The following MAP3K4 variants were observed in gnomAD, a reference collection of about 807,000 sequenced individuals.
MAP3K4 encodes the protein mitogen-activated protein kinase kinase kinase 4, also known as MAP three kinase 1.
Under a neutral mutation model 185.6 loss-of-function variants are expected in MAP3K4, and 67 were observed. The observed-to-expected ratio is 0.36, with a 90% CI of 0.30 to 0.44. The LOEUF (loss-of-function observed/expected upper bound fraction) is 0.44. MAP3K4 is among the 20% of genes least tolerant of loss of function. MAP3K4 has a pLI of 1.00. For missense variants in MAP3K4, 1,551 were observed against 1,995.1 expected (o/e 0.78, Z 4.24); for synonymous variants, 702 against 710.4 (o/e 0.99, Z 0.19).
rs749381896 is a variant in MAP3K4, at chr6:161,054,118, G to T, written c.1707+4139G>T. On this transcript the variant is annotated intron_variant, in intron 3 of 26. Transcript: ENST00000392142. The surrounding 1 kb of genome is among the most constrained non-coding windows in gnomAD (Gnocchi z 4.2). Reference sequence around the variant, plus strand: ...TAACCAGTGTTTGCAAAGCACATGTGATCTTACATTTAATTTCCCTTTGTA... The same window carrying T: ...TAACCAGTGTTTGCAAAGCACATGTTATCTTACATTTAATTTCCCTTTGTA... Among the ~76,000 whole-genome samples the T allele has an allele frequency of 2.0e-5, 3 of 152,142 alleles. No homozygotes were observed. Among genetic ancestry groups the T allele is most frequent in the Non-Finnish European group, 4.4e-5 (3 of 68,024 alleles).
Position 161,049,190 on chromosome 6 carries a change from G to A in MAP3K4, c.918G>A (p.Gly306=). The A allele has an allele frequency of 6.2e-7, 1 of 1,613,980 alleles. No homozygotes were observed. The change falls in exon 3 of 27, where the codon GGG becomes GGA. Residue 306 remains glycine, a synonymous_variant. Transcript: ENST00000392142. This position sits in a 1 kb window ranked among gnomAD's most constrained non-coding sequence, Gnocchi z 8.4. ...NEILTFKVDY[G]SFAFVRDRAG... ...TCCTTACTTTCAAAGTCGACTATGG[G>A]AGCTTCGCCTTTGTTAGAGATAGAG... is the stretch of plus-strand genomic sequence containing the variant.
Position 161,082,628 on chromosome 6 carries a change from C to G in MAP3K4, c.2255+1590C>G, listed in dbSNP as rs894469148. Among the ~76,000 whole-genome samples the G allele has an allele frequency of 2.6e-5, 4 of 152,112 alleles. No individual in the cohort carries two copies. The highest frequency in any genetic ancestry group is 9.7e-5 in the African/African-American group (4 of 41,434). ...AGCTCCGGCTTCAAACACTGTTTCTCCCAGGGTCAGTCGGTGTTGGAATCA... is the reference window on the plus strand; with the variant it reads ...AGCTCCGGCTTCAAACACTGTTTCTGCCAGGGTCAGTCGGTGTTGGAATCA... On this transcript the variant is annotated intron_variant, in intron 6 of 26. Transcript: ENST00000392142. The surrounding 1 kb of genome is among the most constrained non-coding windows in gnomAD (Gnocchi z 4.2).
chr6:161,057,862 T>G (rs565752709), intron 3 of MAP3K4, among the ~76,000 whole-genome samples: 1 of 152,348 alleles, frequency 6.6e-6, no homozygotes, highest in South Asian at 2.1e-4. Context: ...TTCTTAAACA[T>G]ACAAACATAC....
In MAP3K4 at chr6:161,026,401, C is replaced by T. The variant is rs934365771; in HGVS notation, c.153-7858C>T. Among the ~76,000 whole-genome samples, 3 of 152,106 alleles carry T rather than the reference C, an allele frequency of 2.0e-5. No individual in the cohort carries two copies. In the East Asian group the frequency reaches 5.8e-4, roughly 29 times the overall value. ...CTGCCCTCCTTGGCCTCCCAAAGTG[C>T]TGGGATTACAGGCATGAGCCACCGT... On this transcript the variant is annotated intron_variant, in intron 1 of 26. Coordinates refer to ENST00000392142, the MANE Select transcript of MAP3K4 (RefSeq NM_005922.4).
At chr6:161,090,531 A>G (rs1461441771) in intron 11 of MAP3K4, among the ~76,000 whole-genome samples, 1 of 146,834 alleles carries the variant, frequency 6.8e-6, no homozygotes, top group East Asian at 2.0e-4. Flanking sequence ...TGTCCTGCGC[A>G]TTGTAGGATG....
intron 3 of MAP3K4, among the ~76,000 whole-genome samples, chr6:161,068,341 T>A (rs1368817520): frequency 1.3e-5 from 2 of 152,170 alleles, no homozygotes; most frequent in Non-Finnish European, 2.9e-5. Flanking sequence ...TTCTTCCTAA[T>A]GAGAGGAAGA....
Position 161,067,216 on chromosome 6 carries a change from A to G in MAP3K4, c.1708-3392A>G, listed in dbSNP as rs187623184. 2.5e-5 allele frequency: 10 copies of G among 403,690 alleles called. No individual in the cohort carries two copies. Among genetic ancestry groups the G allele is most frequent in the African/African-American group, 1.5e-4 (7 of 48,196 alleles). 25.0% of individuals were successfully genotyped at this position (403,690 alleles called of 1,614,324 possible). A position where few individuals can be genotyped will look rare whatever the true frequency, so the allele number is the denominator to read the frequency against. ...CATTTTAGGGAGACATGAGACATCA[A>G]TCAATATATGTAAGATGTACATTGG... On this transcript the variant is annotated intron_variant, in intron 3 of 26. Transcript: ENST00000392142. This position sits in a 1 kb window ranked among gnomAD's most constrained non-coding sequence, Gnocchi z 6.3.
chr6:161,086,740 T>C lies in MAP3K4; in HGVS notation c.2556+73T>C, dbSNP rs1785735377. 2.4e-6 allele frequency: 3 copies of C among 1,228,158 alleles called. No individual in the cohort carries two copies. Among genetic ancestry groups the C allele is most frequent in the Non-Finnish European group, 3.5e-6 (3 of 852,300 alleles). The allele number at this position is 1,228,158 out of a possible 1,614,324, so 76.1% of individuals were successfully genotyped here. A position where few individuals can be genotyped will look rare whatever the true frequency, so the allele number is the denominator to read the frequency against. Reference sequence around the variant, plus strand: ...TATTCTAAAACAGGCAGACTTTTTCTTGAAGGTCCAGATAGTAAATATTAC... The same window carrying C: ...TATTCTAAAACAGGCAGACTTTTTCCTGAAGGTCCAGATAGTAAATATTAC... On this transcript the variant is annotated intron_variant, in intron 9 of 26. Coordinates refer to ENST00000392142, the MANE Select transcript of MAP3K4 (RefSeq NM_005922.4). The surrounding 1 kb of genome is among the most constrained non-coding windows in gnomAD (Gnocchi z 4.8).
In MAP3K4 at chr6:161,103,035, A is replaced by C. The variant is rs11966991; in HGVS notation, c.3856+256A>C. 6.6e-6 allele frequency among the ~76,000 whole-genome samples: 1 copy of C among 152,196 alleles called. No homozygotes were observed. The highest frequency in any genetic ancestry group is 1.5e-5 in the Non-Finnish European group (1 of 68,042). ...TACTCATCTTTATATTCTTAAAGCAACTTAGCATAATTTTTTGTCCATGGT... is the reference window on the plus strand; with the variant it reads ...TACTCATCTTTATATTCTTAAAGCACCTTAGCATAATTTTTTGTCCATGGT... On this transcript the variant is annotated intron_variant, in intron 19 of 26. Coordinates refer to ENST00000392142, the MANE Select transcript of MAP3K4 (RefSeq NM_005922.4). This position sits in a 1 kb window ranked among gnomAD's most constrained non-coding sequence, Gnocchi z 4.6.
chr6:161,105,607 A>G (rs113252664), intron 19 of MAP3K4, among the ~76,000 whole-genome samples: 108 of 152,306 alleles, frequency 7.1e-4, no homozygotes, highest in African/African-American at 2.4e-3. Flanking sequence ...GCACTGTGTG[A>G]GTAAGATTCA....
In MAP3K4 at chr6:161,071,502, G is replaced by C. The variant is rs1202415099; in HGVS notation, c.1950+652G>C. Among the ~76,000 whole-genome samples, 2 of 152,120 alleles carry C rather than the reference G, an allele frequency of 1.3e-5. No homozygotes were observed. Among genetic ancestry groups the C allele is most frequent in the Admixed American group, 1.3e-4 (2 of 15,274 alleles). On this transcript the variant is annotated intron_variant, in intron 4 of 26. Coordinates refer to ENST00000392142, the MANE Select transcript of MAP3K4 (RefSeq NM_005922.4). The surrounding 1 kb of genome is among the most constrained non-coding windows in gnomAD (Gnocchi z 4.6). ...AAGAAAGGTTGGTATGTTTTTTGTA[G>C]ACTGTACGTGTCTATCCCATAGGGA... is the stretch of plus-strand genomic sequence containing the variant.
rs558263728 is a variant in MAP3K4, at chr6:161,092,234, C to T, written c.3269+91C>T. The stretch of plus-strand genomic sequence containing the variant: ...TTCTGTGGGATTCTTTTTGAGCAGA[C>T]GACACAGAAGGGAACACTCTAAACT... On this transcript the variant is annotated intron_variant, in intron 13 of 26. Coordinates refer to ENST00000392142, the MANE Select transcript of MAP3K4 (RefSeq NM_005922.4). 2.3e-5 allele frequency: 33 copies of T among 1,421,378 alleles called. No individual in the cohort carries two copies. In the South Asian group the frequency reaches 2.3e-4, roughly 10 times the overall value. The allele number at this position is 1,421,378 out of a possible 1,614,324, so 88.0% of individuals were successfully genotyped here.
rs906922553 is a variant in MAP3K4, at chr6:161,053,157, A to G, written c.1707+3178A>G. On this transcript the variant is annotated intron_variant, in intron 3 of 26. Coordinates refer to ENST00000392142, the MANE Select transcript of MAP3K4 (RefSeq NM_005922.4). The surrounding 1 kb of genome is among the most constrained non-coding windows in gnomAD (Gnocchi z 4.2). ...GCTTCTGGGGAGGCCTCAGGGAGCT[A>G]TAGTCATGATGGAAGGCAAAGCCAG... 2.6e-5 allele frequency among the ~76,000 whole-genome samples: 4 copies of G among 152,222 alleles called. No homozygotes were observed. Among genetic ancestry groups the G allele is most frequent in the African/African-American group, 4.8e-5 (2 of 41,452 alleles).
Position 161,093,976 on chromosome 6 carries a change from G to T in MAP3K4, c.3427+125G>T. 1.5e-6 allele frequency: 1 copy of T among 663,998 alleles called. No homozygotes were observed. Among genetic ancestry groups the T allele is most frequent in the African/African-American group, 1.8e-5 (1 of 54,384 alleles). 41.1% of individuals were successfully genotyped at this position (663,998 alleles called of 1,614,324 possible). A position where few individuals can be genotyped will look rare whatever the true frequency, so the allele number is the denominator to read the frequency against. On this transcript the variant is annotated intron_variant, in intron 15 of 26. Coordinates refer to ENST00000392142, the MANE Select transcript of MAP3K4 (RefSeq NM_005922.4). This position sits in a 1 kb window ranked among gnomAD's most constrained non-coding sequence, Gnocchi z 5.2. ...TAACAGTATTCAGGAAAACGACAATGAGAGGGACAGAAATGAGGTGTGTAG... is the reference window on the plus strand; with the variant it reads ...TAACAGTATTCAGGAAAACGACAATTAGAGGGACAGAAATGAGGTGTGTAG...
At chr6:161,059,115 A>G (rs1014526077) in intron 3 of MAP3K4, among the ~76,000 whole-genome samples, 1 of 150,630 alleles carries the variant, frequency 6.6e-6, no homozygotes, top group African/African-American at 2.4e-5. Flanking sequence ...CATGATCAGC[A>G]AAAAATGTTA....
intron 1 of MAP3K4, among the ~76,000 whole-genome samples, chr6:161,027,879 T>C (rs1361940068): frequency 6.6e-6 from 1 of 152,208 alleles, no homozygotes; most frequent in Non-Finnish European, 1.5e-5. Context: ...AGATCCAAAA[T>C]AGCCTCACTC....
intron 1 of MAP3K4, among the ~76,000 whole-genome samples, chr6:161,020,824 A>G (rs1782352462): frequency 6.6e-6 from 1 of 152,122 alleles, no homozygotes; most frequent in East Asian, 1.9e-4. Context: ...TACATGTTGT[A>G]TTTAATGATA....
chr6:161,050,932 G>A (rs926665508), intron 3 of MAP3K4, among the ~76,000 whole-genome samples: 1 of 152,148 alleles, frequency 6.6e-6, no homozygotes, highest in African/African-American at 2.4e-5. Context: ...ACTTCCCACG[G>A]ATCCCAAAAT....
At chr6:161,015,067 T>G (rs1401200652) in intron 1 of MAP3K4, among the ~76,000 whole-genome samples, 1 of 152,202 alleles carries the variant, frequency 6.6e-6, no homozygotes, top group East Asian at 1.9e-4. Context: ...TTTCAAGTTT[T>G]GTCATAGTAT....
Sources: gnomAD v4.1 joint callset for allele counts (sites outside exome capture counted in the v4.1 genomes callset) on GRCh38, gnomAD v4.1.1 for gene constraint, Gnocchi (gnomAD v3.1) non-coding constraint, MANE v1.5 for transcripts, NCBI Gene and HGNC (gene_info 2026-07-23, HGNC 2026-07-21) for gene names.